The following HMMR variants were observed in gnomAD, a reference collection of about 807,000 sequenced individuals.
HMMR encodes hyaluronan mediated motility receptor.
Under a neutral mutation model 101.0 loss-of-function variants are expected in HMMR, and 108 were observed. The ratio of observed to expected loss-of-function variants is 1.07; its 90% CI spans 0.92 to 1.25. The LOEUF (loss-of-function observed/expected upper bound fraction) is 1.25. HMMR is among the 50% of genes most tolerant of loss of function. HMMR has a pLI of 0.00. For synonymous variants in HMMR, 296 were observed against 276.4 expected, an observed-to-expected ratio of 1.07 and a Z score of -0.70; for missense variants, 813 against 788.7, an observed-to-expected ratio of 1.03 and a Z score of -0.37.
At chr5:163,478,460 T>A (rs1299513661) in intron 11 of HMMR, among the ~76,000 whole-genome samples, 2 of 152,170 alleles carry the variant, frequency 1.3e-5, no homozygotes, top group Admixed American at 6.5e-5. Context: ...ACCCAAATTT[T>A]TAAAGTAAAA....
Position 163,460,732 on chromosome 5 carries a change from C to A in HMMR, c.40C>A (p.Pro14Thr). 4 of 1,607,608 alleles carry A rather than the reference C, an allele frequency of 2.5e-6. No individual in the cohort carries two copies. Among genetic ancestry groups the A allele is most frequent in the Non-Finnish European group, 1.7e-6 (2 of 1,176,926 alleles). ...GGCGCCCTTGAAACGATTCAATGAC[C>A]CTTCTGGTGCGTAAGGGGGAAAGAG... ...PKAPLKRFND[P>T]SGCAPSPGAY... The change falls in exon 1 of 18, where the codon CCT becomes ACT. Residue 14 changes from proline to threonine, a missense_variant. Physicochemically the swap from Pro to Thr is conservative, Grantham distance 38. Coordinates refer to ENST00000393915, the MANE Select transcript of HMMR (RefSeq NM_001142556.2).
intron 10 of HMMR, chr5:163,474,504 T>C: frequency 2.1e-6 from 1 of 471,034 alleles, no homozygotes; most frequent in Middle Eastern, 3.2e-4. Flanking sequence ...TACACTTACC[T>C]TGTAAAAGAC....
intron 10 of HMMR, chr5:163,474,688 C>A: frequency 1.5e-5 from 6 of 395,906 alleles, no homozygotes; most frequent in Non-Finnish European, 2.0e-5. Context: ...TTAGTAGTAA[C>A]CAAGGAAGTA....
At chr5:163,471,034 A>G (rs1472615274) in intron 5 of HMMR, 151 bp from the exon 6 acceptor site, 1 of 607,166 alleles carries the variant, frequency 1.6e-6, no homozygotes, top group East Asian at 2.8e-5. Context: ...ATCAGTAATT[A>G]TGGTGTAGGT....
Position 163,483,331 on chromosome 5 carries a change from C to T in HMMR, c.1749C>T (p.Leu583=). 1.2e-6 allele frequency: 2 copies of T among 1,601,766 alleles called. No individual in the cohort carries two copies. The highest frequency in any genetic ancestry group is 1.7e-4 in the Middle Eastern group (1 of 6,032). ...LTEEINKWRL[L]YEELYNKTKP... is the part of the protein sequence containing the mutation. ...AAGAAATTAACAAGTGGCGTCTCCT[C>T]TATGAAGAACTATATAATAAAACAA... is the stretch of plus-strand genomic sequence containing the variant. Residue 583 remains leucine (L), a synonymous_variant, in exon 15 of 18, where the codon CTC becomes CTT. Transcript: ENST00000393915.
chr5:163,484,144 A>C lies in HMMR; in HGVS notation c.1861A>C (p.Lys621Gln). 6.2e-7 allele frequency: 1 copy of C among 1,604,464 alleles called. No individual in the cohort carries two copies. The highest frequency in any genetic ancestry group is 8.5e-7 in the Non-Finnish European group (1 of 1,172,960). The change falls in exon 16 of 18, where the codon AAA becomes CAA. Residue 621 changes from lysine (K) to glutamine (Q), a missense_variant. Transcript: ENST00000393915. ...TGGTGCAGCTCAGGAACAGCTAAATAAAATAAGAGATTCATATGCTAAATT... is the reference window on the plus strand; with the variant it reads ...TGGTGCAGCTCAGGAACAGCTAAATCAAATAAGAGATTCATATGCTAAATT... ...EHGAAQEQLNKIRDSYAKLLG... is the reference protein window; with the variant it reads ...EHGAAQEQLNQIRDSYAKLLG...
rs776732623 is a variant in HMMR, at chr5:163,490,549, G to T, written c.2122G>T (p.Glu708Ter). The change falls in exon 17 of 18, where the codon GAA (glutamate) becomes TAA (stop). Residue 708 changes from glutamate (E) to a stop codon, truncating the protein, a stop_gained. Coordinates refer to ENST00000393915, the MANE Select transcript of HMMR (RefSeq NM_001142556.2). LOFTEE classifies it high-confidence loss of function. ...ENFALKTPLK[E>*]GNTNCYRAPM... ...TTTTGCCCTGAAGACCCCATTAAAA[G>T]AAGGTAAGACATGAATAAATGTATA... is the stretch of plus-strand genomic sequence containing the variant. The T allele has an allele frequency of 6.3e-7, 1 of 1,591,558 alleles. No individual in the cohort carries two copies.
intron 10 of HMMR, among the ~76,000 whole-genome samples, chr5:163,475,234 T>A (rs1259549755): frequency 6.6e-6 from 1 of 152,068 alleles, no homozygotes; most frequent in Non-Finnish European, 1.5e-5. Context: ...AGTTTCTGCA[T>A]GTGCGTTGCA....
chr5:163,467,367 T>C (rs1296390686), intron 3 of HMMR, among the ~76,000 whole-genome samples: 1 of 152,218 alleles, frequency 6.6e-6, no homozygotes, highest in African/African-American at 2.4e-5. Context: ...CTTTCTGAGA[T>C]AGCATAATTA....
At chr5:163,469,523 C>T (rs957013579) in intron 4 of HMMR, 118 bp from the exon 5 acceptor site, 6 of 758,634 alleles carry the variant, frequency 7.9e-6, no homozygotes, top group African/African-American at 1.8e-5. Flanking sequence ...AGAATATCTA[C>T]AAGCATAATG....
rs1178132508 is a variant in HMMR, at chr5:163,460,696, T to C, written c.4T>C (p.Ser2Pro). The C allele has an allele frequency of 6.2e-7, 1 of 1,606,470 alleles. No individual in the cohort carries two copies. Among genetic ancestry groups the C allele is most frequent in the Non-Finnish European group, 8.5e-7 (1 of 1,176,380 alleles). ...GTTTCTGGAGCTGGCCGTCAACATG[T>C]CCTTTCCTAAGGCGCCCTTGAAACG... M[S>P]FPKAPLKRFN... The change falls in exon 1 of 18, where the codon TCC (serine) becomes CCC (proline). Residue 2 changes from serine to proline, a missense_variant. Ser to Pro is a moderately conservative substitution (Grantham distance 74, BLOSUM62 -1). Transcript: ENST00000393915.
At chr5:163,482,595 A>G (rs1413418591) in intron 12 of HMMR, 47 bp from the exon 13 acceptor site, 1 of 1,359,546 alleles carries the variant, frequency 7.4e-7, no homozygotes, top group Admixed American at 1.8e-5. Flanking sequence ...TGATTGTCAT[A>G]CGCAATAGTT....
chr5:163,474,905 A>G (rs1463239715), intron 10 of HMMR, among the ~76,000 whole-genome samples: 1 of 152,044 alleles, frequency 6.6e-6, no homozygotes, highest in East Asian at 1.9e-4. Flanking sequence ...TATCATTTAT[A>G]TCCCTCCCCA....
At chr5:163,468,707 G>C (rs2113465767) in intron 4 of HMMR, among the ~76,000 whole-genome samples, 1 of 152,264 alleles carries the variant, frequency 6.6e-6, no homozygotes, top group South Asian at 2.1e-4. Flanking sequence ...CTGAGTCTCA[G>C]TGAGATAGCT....
Position 163,464,785 on chromosome 5 carries a change from A to C in HMMR, c.208A>C (p.Lys70Gln), listed in dbSNP as rs750926086. The C allele has an allele frequency of 6.2e-7, 1 of 1,610,400 alleles. No individual in the cohort carries two copies. The highest frequency in any genetic ancestry group is 2.2e-5 in the East Asian group (1 of 44,842). ...TTLPASARKV[K>Q]SSESKKESQK... is the part of the protein sequence containing the mutation. ...CTTGCCTGCTTCAGCTAGAAAAGTT[A>C]AGTCTTCGGAATCAAAGGTGAGGAG... Residue 70 changes from lysine (K) to glutamine (Q), a missense_variant, in exon 3 of 18, where the codon AAG becomes CAG. Physicochemically the swap from Lys to Gln is moderately conservative, Grantham distance 53. Coordinates refer to ENST00000393915, the MANE Select transcript of HMMR (RefSeq NM_001142556.2).
At chr5:163,464,823 A>C (rs368302934) in intron 3 of HMMR, 21 bp downstream of exon 3, 49 of 1,494,376 alleles carry the variant, frequency 3.3e-5, no homozygotes, top group Non-Finnish European at 4.5e-5. Context: ...TTTATATGCC[A>C]GCTGGTTTAT....
chr5:163,489,099 A>G (rs529334973), intron 16 of HMMR, among the ~76,000 whole-genome samples: 1 of 152,296 alleles, frequency 6.6e-6, no homozygotes, highest in Admixed American at 6.5e-5. Flanking sequence ...ATCATGAGGC[A>G]TTAGATTCTC....
intron 7 of HMMR, 125 bp from the exon 8 acceptor site, chr5:163,473,054 A>C: frequency 1.9e-6 from 1 of 526,820 alleles, no homozygotes; most frequent in Non-Finnish European, 3.5e-6. Flanking sequence ...TACATAAAAT[A>C]ATAGTTAAGA....
chr5:163,465,802 A>C (rs1758685282), intron 3 of HMMR, among the ~76,000 whole-genome samples: 1 of 151,994 alleles, frequency 6.6e-6, no homozygotes, highest in South Asian at 2.1e-4. Context: ...TCTACTAAAA[A>C]ATACAAAAAT....
Sources: allele counts gnomAD v4.1 joint callset (sites outside exome capture counted in the v4.1 genomes callset), GRCh38; gene constraint gnomAD v4.1.1; transcripts MANE v1.5; gene names NCBI Gene and HGNC (gene_info 2026-07-23, HGNC 2026-07-21).